The following MAP3K5 variants were observed in gnomAD, a reference collection of about 807,000 sequenced individuals.
The protein encoded by MAP3K5 is mitogen-activated protein kinase kinase kinase 5.
Under a neutral mutation model 158.7 loss-of-function variants are expected in MAP3K5, and 56 were observed. The ratio of observed to expected loss-of-function variants is 0.35; its 90% CI spans 0.28 to 0.44. MAP3K5 has a LOEUF of 0.44. Ranked by LOEUF, MAP3K5 falls within the 20% of genes least tolerant of loss-of-function variation. The pLI is 1.00. For synonymous variants in MAP3K5, 579 were observed against 601.7 expected (o/e 0.96, Z 0.55); for missense variants, 1,294 against 1,674.8 (o/e 0.77, Z 3.97).
In MAP3K5 at chr6:136,697,270, G is replaced by T. The variant is rs771525919; in HGVS notation, c.924C>A (p.Val308=). 6.2e-7 allele frequency: 1 copy of T among 1,613,772 alleles called. No homozygotes were observed. Among genetic ancestry groups the T allele is most frequent in the East Asian group, 2.2e-5 (1 of 44,846 alleles). Residue 308 remains valine (V), a synonymous_variant, in exon 5 of 30, where the codon GTC becomes GTA. Coordinates refer to ENST00000359015, the MANE Select transcript of MAP3K5 (RefSeq NM_005923.4). The part of the protein sequence containing the change: ...RIRQRVDNIE[V]LTADIVINLL... The stretch of plus-strand genomic sequence containing the variant: ...GATTTATGACAATATCTGCTGTCAA[G>T]ACTTCGATATTATCTACTCGCTGCC...
chr6:136,656,672 T>G (rs534870711), intron 9 of MAP3K5, among the ~76,000 whole-genome samples: 133 of 152,238 alleles, frequency 8.7e-4, no homozygotes, highest in African/African-American at 3.1e-3. Context: ...TCGCCCAGGC[T>G]GGAGTGCAGT....
At position 136,792,107 on chromosome 6, in the gene MAP3K5, G is replaced by A; in HGVS notation, c.51C>T (p.Ala17=). Residue 17 remains alanine, a synonymous_variant, in exon 1 of 30, where the codon GCC becomes GCT. Coordinates refer to ENST00000359015, the MANE Select transcript of MAP3K5 (RefSeq NM_005923.4). The surrounding 1 kb of genome is among the most constrained non-coding windows in gnomAD (Gnocchi z 5.7). ...CGGGGATGGTGCAGAAGCCCGAGGG[G>A]GCGAAGGGTGGCACAGAGAAAGTGA... ...EGITFSVPPF[A]PSGFCTIPEG... The A allele has an allele frequency of 6.3e-7, 1 of 1,586,310 alleles. No homozygotes were observed. The highest frequency in any genetic ancestry group is 8.6e-7 in the Non-Finnish European group (1 of 1,169,346).
At chr6:136,714,185 T>G (rs1781427589) in intron 2 of MAP3K5, among the ~76,000 whole-genome samples, 1 of 152,232 alleles carries the variant, frequency 6.6e-6, no homozygotes, top group South Asian at 2.1e-4. Context: ...AAAATGTTTT[T>G]ATGGGTTTAA....
intron 14 of MAP3K5, among the ~76,000 whole-genome samples, chr6:136,623,297 C>T (rs1032032089): frequency 6.6e-6 from 1 of 152,216 alleles, no homozygotes; most frequent in African/African-American, 2.4e-5. Flanking sequence ...ATCAGTGAAA[C>T]AGTGTATAAC....
intron 14 of MAP3K5, among the ~76,000 whole-genome samples, chr6:136,634,361 C>A (rs1777512248): frequency 6.6e-6 from 1 of 152,068 alleles, no homozygotes; most frequent in African/African-American, 2.4e-5. Context: ...TGCATTCATT[C>A]ACGTTTTGCT....
chr6:136,780,604 T>C lies in MAP3K5; in HGVS notation c.448+11106A>G, dbSNP rs561006905. 2.2e-4 allele frequency among the ~76,000 whole-genome samples: 34 copies of C among 152,324 alleles called. 1 individual carries two copies. The highest frequency in any genetic ancestry group is 8.2e-4 in the African/African-American group (34 of 41,558). ...GGCGCTTCCTGTGAAGAATGCACTT[T>C]CTCAGGAAGGGAAATTGATGAGTTA... On this transcript the variant is annotated intron_variant, in intron 1 of 29. Transcript: ENST00000359015.
intron 1 of MAP3K5, among the ~76,000 whole-genome samples, chr6:136,725,796 T>C (rs989717904): frequency 6.6e-6 from 1 of 152,236 alleles, no homozygotes; most frequent in Non-Finnish European, 1.5e-5. Flanking sequence ...AGTTTTCTTT[T>C]ATGGTTTCTT....
chr6:136,759,661 G>C (rs1460852107), intron 1 of MAP3K5, among the ~76,000 whole-genome samples: 2 of 151,004 alleles, frequency 1.3e-5, no homozygotes, highest in Admixed American at 1.3e-4. Flanking sequence ...TTGTAGAAAC[G>C]AGGTTTTTGC....
intron 1 of MAP3K5, among the ~76,000 whole-genome samples, chr6:136,788,515 C>T (rs937383926): frequency 7.9e-5 from 12 of 152,102 alleles, no homozygotes; most frequent in Non-Finnish European, 1.8e-4. Flanking sequence ...AAAATATTCA[C>T]AAACTACGCA....
chr6:136,653,927 T>A (rs1778630517), intron 10 of MAP3K5, among the ~76,000 whole-genome samples: 1 of 152,126 alleles, frequency 6.6e-6, no homozygotes, highest in African/African-American at 2.4e-5. Flanking sequence ...GAGTTATGAA[T>A]TCTGATGTAG....
At chr6:136,584,096 G>A (rs1016173632) in intron 23 of MAP3K5, among the ~76,000 whole-genome samples, 9 of 151,982 alleles carry the variant, frequency 5.9e-5, no homozygotes, top group African/African-American at 1.7e-4. Context: ...TGCCCCACAC[G>A]CTGGTCAGTA....
At chr6:136,716,020 A>T (rs1168992365) in intron 2 of MAP3K5, among the ~76,000 whole-genome samples, 2 of 125,876 alleles carry the variant, frequency 1.6e-5, no homozygotes, top group African/African-American at 2.9e-5. Context: ...ACAAAGCAAG[A>T]TCGTCTCAAA....
In MAP3K5 at chr6:136,642,710, T is replaced by C; in HGVS notation, c.1789-141A>G. ...ATTTTTCATGAAAGAATTATCTGGA[T>C]GGAAAGCACAATTCATTCTCAAGTC... On this transcript the variant is annotated intron_variant, in intron 11 of 29. Coordinates refer to ENST00000359015, the MANE Select transcript of MAP3K5 (RefSeq NM_005923.4). The C allele has an allele frequency of 4.6e-6, 3 of 646,572 alleles. No homozygotes were observed. In the South Asian group the frequency reaches 5.7e-5, roughly 12 times the overall value. The allele number at this position is 646,572 out of a possible 1,614,324, so 40.1% of individuals were successfully genotyped here.
intron 2 of MAP3K5, among the ~76,000 whole-genome samples, chr6:136,711,933 A>G (rs922703187): frequency 6.6e-6 from 1 of 152,186 alleles, no homozygotes. Context: ...CTAAGAACAC[A>G]TCCTTCTCTT....
rs201190309 is a variant in MAP3K5 at position 136,658,311 on chromosome 6, TTC to T, written c.1526+906_1526+907del. Among the ~76,000 whole-genome samples, 94 of 125,134 alleles carry T rather than the reference TTC, an allele frequency of 7.5e-4. 1 individual carries two copies. The Middle Eastern group carries it at 0.012, about 15-fold the overall frequency. The allele number at this position is 125,134 out of a possible 152,430, so 82.1% of individuals were successfully genotyped here. ...CTTTTTCTTTTCTTTCTTTCTTTCT[TTC>T]TTTTTTTTTTTTTTTTTTTGAGACA... On this transcript the variant is annotated intron_variant, in intron 9 of 29. Coordinates refer to ENST00000359015, the MANE Select transcript of MAP3K5 (RefSeq NM_005923.4).
intron 12 of MAP3K5, among the ~76,000 whole-genome samples, chr6:136,642,024 T>TAA (rs1301629869): frequency 2.8e-5 from 3 of 106,172 alleles, no homozygotes; most frequent in African/African-American, 4.3e-5. Context: ...ATAAATAAAA[T>TAA]AAAATAAAAA....
At chr6:136,660,280 G>A (rs568900467) in intron 8 of MAP3K5, among the ~76,000 whole-genome samples, 17 of 152,144 alleles carry the variant, frequency 1.1e-4, no homozygotes, top group East Asian at 1.9e-4. Context: ...TGCCTGACAC[G>A]GTGGCTCACA....
At chr6:136,635,725 CAAAAAAAAA>C (rs140167177) in intron 14 of MAP3K5, among the ~76,000 whole-genome samples, 6 of 67,854 alleles carry the variant, frequency 8.8e-5, no homozygotes, top group Admixed American at 3.7e-4. Context: ...CCGTCTCCAC[CAAAAAAAAA>C]AAAAAAAAAA....
intron 1 of MAP3K5, among the ~76,000 whole-genome samples, chr6:136,787,442 T>C (rs1784896971): frequency 6.6e-6 from 1 of 152,204 alleles, no homozygotes; most frequent in Admixed American, 6.5e-5. Flanking sequence ...GTCTTAATAA[T>C]GCTGTCATTT....
Sources: gnomAD v4.1 joint callset for allele counts (sites outside exome capture counted in the v4.1 genomes callset) on GRCh38, gnomAD v4.1.1 for gene constraint, Gnocchi (gnomAD v3.1) non-coding constraint, MANE v1.5 for transcripts, NCBI Gene and HGNC (gene_info 2026-07-23, HGNC 2026-07-21) for gene names.